The following CWF19L2 variants were observed in gnomAD, a reference collection of about 807,000 sequenced individuals.
The protein encoded by CWF19L2 is CWF19 like cell cycle control factor 2.
CWF19L2 carries 98 observed loss-of-function variants against 111.7 expected under a neutral mutation model. The ratio of observed to expected loss-of-function variants is 0.88; its 90% CI spans 0.75 to 1.04. The LOEUF is 1.04. CWF19L2 is among the 50% of genes least tolerant of loss of function. The pLI, the probability that CWF19L2 is intolerant of heterozygous loss-of-function variation, is 0.00. For missense variants in CWF19L2, 1,101 were observed against 1,051.4 expected (o/e 1.05, Z -0.65); for synonymous variants, 351 against 342.9 (o/e 1.02, Z -0.26).
At position 107,372,119 on chromosome 11, in the gene CWF19L2, T is replaced by C. The variant is rs183537451; in HGVS notation, c.1872+17955A>G. 1.5e-3 allele frequency among the ~76,000 whole-genome samples: 202 copies of C among 134,784 alleles called. 36 individuals are homozygous for C. The highest frequency in any genetic ancestry group is 2.3e-3 in the Non-Finnish European group (149 of 63,592). The allele number at this position is 134,784 out of a possible 152,430, so 88.4% of individuals were successfully genotyped here. On this transcript the variant is annotated intron_variant, in intron 12 of 17. Coordinates refer to ENST00000282251, the MANE Select transcript of CWF19L2 (RefSeq NM_152434.3). ...AAAACAAATATTTATTGAATGCTAT[T>C]ATGTGTTAGTGACTATACTAGATAG...
intron 7 of CWF19L2, among the ~76,000 whole-genome samples, chr11:107,432,971 GTC>G (rs1861485505): frequency 6.6e-6 from 1 of 151,914 alleles, no homozygotes; most frequent in Admixed American, 6.6e-5. Context: ...AAATTAACAG[GTC>G]ATTAAAATGT....
intron 12 of CWF19L2, among the ~76,000 whole-genome samples, chr11:107,388,517 G>C (rs906701134): frequency 7.2e-5 from 11 of 152,134 alleles, no homozygotes; most frequent in African/African-American, 2.7e-4. Flanking sequence ...CGAGTAGATG[G>C]GACTACAAGT....
At chr11:107,370,758 AC>A (rs1289453456) in intron 12 of CWF19L2, among the ~76,000 whole-genome samples, 2 of 137,112 alleles carry the variant, frequency 1.5e-5, no homozygotes, top group African/African-American at 5.8e-5. Flanking sequence ...ATAAAAATAA[AC>A]TTTAATGTTG....
In CWF19L2 at chr11:107,353,474, CAA is replaced by C. The variant is rs759786778; in HGVS notation, c.2085+48_2085+49del. 4.2e-6 allele frequency: 6 copies of C among 1,422,296 alleles called. No individual in the cohort carries two copies. The South Asian group carries it at 6.1e-5, about 14-fold the overall frequency. 88.1% of individuals were successfully genotyped at this position (1,422,296 alleles called of 1,614,324 possible). ...TTATTCAAGTTATTCTATGAAGAAACAAAAAAAGTTCTATGAGAATGTAAGCA... is the reference window on the plus strand; with the variant it reads ...TTATTCAAGTTATTCTATGAAGAAACAAAAAGTTCTATGAGAATGTAAGCA... On this transcript the variant is annotated intron_variant, in intron 13 of 17. Coordinates refer to ENST00000282251, the MANE Select transcript of CWF19L2 (RefSeq NM_152434.3).
intron 10 of CWF19L2, among the ~76,000 whole-genome samples, chr11:107,402,513 A>G (rs1861015381): frequency 6.6e-6 from 1 of 152,324 alleles, no homozygotes; most frequent in Middle Eastern, 3.4e-3. Flanking sequence ...GGGAACACAA[A>G]TCAAATCCAC....
intron 10 of CWF19L2, among the ~76,000 whole-genome samples, chr11:107,414,223 T>C (rs988834475): frequency 6.6e-6 from 1 of 152,078 alleles, no homozygotes; most frequent in African/African-American, 2.4e-5. Context: ...AGACAGGGTC[T>C]CACTCTGTCA....
At chr11:107,392,339 G>C (rs1169807429) in intron 11 of CWF19L2, among the ~76,000 whole-genome samples, 1 of 152,080 alleles carries the variant, frequency 6.6e-6, no homozygotes, top group Non-Finnish European at 1.5e-5. Flanking sequence ...TTGGAAAATG[G>C]AAAAGAAAAT....
At chr11:107,359,739 G>C (rs1230144720) in intron 12 of CWF19L2, among the ~76,000 whole-genome samples, 1 of 151,850 alleles carries the variant, frequency 6.6e-6, no homozygotes, top group Non-Finnish European at 1.5e-5. Flanking sequence ...GGGCAACATG[G>C]CAGAACCCCA....
chr11:107,386,063 A>C (rs1169065020), intron 12 of CWF19L2, among the ~76,000 whole-genome samples: 1 of 152,196 alleles, frequency 6.6e-6, no homozygotes, highest in Non-Finnish European at 1.5e-5. Flanking sequence ...AAAACATAGC[A>C]TATATAGGGG....
chr11:107,400,025 G>T (rs777946245), intron 10 of CWF19L2, among the ~76,000 whole-genome samples: 4 of 151,876 alleles, frequency 2.6e-5, no homozygotes, highest in Non-Finnish European at 5.9e-5. Context: ...ACTGAAAGAC[G>T]GTAATGACAC....
At chr11:107,348,897 CA>C (rs769549284) in intron 14 of CWF19L2, 39 bp downstream of exon 14, 19 of 1,183,268 alleles carry the variant, frequency 1.6e-5, no homozygotes, top group African/African-American at 4.6e-5. Context: ...AAAAATTGCT[CA>C]TGAGTTTTAA....
chr11:107,435,934 T>A (rs1448088128), intron 6 of CWF19L2, among the ~76,000 whole-genome samples: 1 of 151,994 alleles, frequency 6.6e-6, no homozygotes, highest in Non-Finnish European at 1.5e-5. Flanking sequence ...GGTGGGCAGA[T>A]CAGGAGGTCA....
At chr11:107,362,780 A>C (rs1298124618) in intron 12 of CWF19L2, among the ~76,000 whole-genome samples, 1 of 151,798 alleles carries the variant, frequency 6.6e-6, no homozygotes, top group Non-Finnish European at 1.5e-5. Flanking sequence ...CCTCCTCCAA[A>C]GGAACGCAGT....
intron 14 of CWF19L2, chr11:107,345,440 G>C: frequency 2.2e-6 from 1 of 449,210 alleles, no homozygotes; most frequent in Non-Finnish European, 4.6e-6. Flanking sequence ...CTTCATGTTT[G>C]TTCATACTCC....
At chr11:107,351,440 A>G (rs571882489) in intron 13 of CWF19L2, among the ~76,000 whole-genome samples, 7 of 152,272 alleles carry the variant, frequency 4.6e-5, no homozygotes, top group Non-Finnish European at 8.8e-5. Flanking sequence ...TAAGTTTCAG[A>G]TGTTTACTAG....
chr11:107,358,786 G>C (rs560934472), intron 12 of CWF19L2, among the ~76,000 whole-genome samples: 31 of 152,254 alleles, frequency 2.0e-4, no homozygotes, highest in Non-Finnish European at 3.1e-4. Flanking sequence ...TCAATTCTGT[G>C]AGTCTTTCCA....
At chr11:107,379,312 C>T (rs745990278) in intron 12 of CWF19L2, among the ~76,000 whole-genome samples, 1 of 152,076 alleles carries the variant, frequency 6.6e-6, no homozygotes, top group Non-Finnish European at 1.5e-5. Flanking sequence ...GGAGACATTT[C>T]TGGCTGTCAC....
At chr11:107,327,664 T>C (rs772528159) in intron 17 of CWF19L2, among the ~76,000 whole-genome samples, 1 of 152,210 alleles carries the variant, frequency 6.6e-6, no homozygotes, top group Non-Finnish European at 1.5e-5. Flanking sequence ...ATTATTATTC[T>C]TGATTTCCTT....
At chr11:107,337,284 T>C (rs111679226) in intron 14 of CWF19L2, among the ~76,000 whole-genome samples, 3 of 152,184 alleles carry the variant, frequency 2.0e-5, no homozygotes, top group African/African-American at 7.2e-5. Flanking sequence ...AGTTGAAAAG[T>C]AATAGGGTTT....
Sources: gnomAD v4.1 joint callset for allele counts (sites outside exome capture counted in the v4.1 genomes callset) on GRCh38, gnomAD v4.1.1 for gene constraint, MANE v1.5 for transcripts, NCBI Gene and HGNC (gene_info 2026-07-23, HGNC 2026-07-21) for gene names.